Variants in SRGAP1 observed in about 807,000 individuals in gnomAD.
SRGAP1 encodes SLIT-ROBO Rho GTPase-activating protein 1.
SRGAP1 carries 43 observed loss-of-function variants against 121.9 expected under a neutral mutation model. The ratio of observed to expected loss-of-function variants is 0.35; its 90% CI spans 0.28 to 0.46. SRGAP1 has a LOEUF of 0.46. SRGAP1 is among the 20% of genes least tolerant of loss of function. The pLI is 1.00. For missense variants in SRGAP1, 1,102 were observed against 1,350.9 expected, an observed-to-expected ratio of 0.82 and a Z score of 2.89; for synonymous variants, 447 against 485.4, an observed-to-expected ratio of 0.92 and a Z score of 1.04.
intron 4 of SRGAP1, among the ~76,000 whole-genome samples, chr12:64,020,843 CAAAAAA>C (rs34144761): frequency 1.4e-5 from 1 of 70,068 alleles, no homozygotes; most frequent in East Asian, 4.4e-4. Context: ...GACTCCGTCT[CAAAAAA>C]AAAAAAAAAA....
intron 1 of SRGAP1, among the ~76,000 whole-genome samples, chr12:63,978,725 G>T (rs1205384802): frequency 6.6e-6 from 1 of 152,204 alleles, no homozygotes; most frequent in African/African-American, 2.4e-5. Context: ...ATACCTAGGA[G>T]CAGAATGGCT....
rs201478744 is a variant in SRGAP1, at chr12:63,886,789, A to AT, written c.67+41915dup. ...TCTGGCCAAAACACATTTAAAAGGG[A>AT]TTTTTTTTTGTTACTGAATTTAAAT... On this transcript the variant is annotated intron_variant, in intron 1 of 21. Transcript: ENST00000355086. Among the ~76,000 whole-genome samples, 1,434 of 150,886 alleles carry AT rather than the reference A, an allele frequency of 9.5e-3. 20 individuals carry two copies. The highest frequency in any genetic ancestry group is 0.033 in the African/African-American group (1,362 of 41,142).
At chr12:64,042,515 A>C (rs1196020223) in intron 4 of SRGAP1, among the ~76,000 whole-genome samples, 3 of 152,148 alleles carry the variant, frequency 2.0e-5, no homozygotes, top group Non-Finnish European at 4.4e-5. Flanking sequence ...AGAACTTTTC[A>C]AGTACATTGA....
intron 1 of SRGAP1, among the ~76,000 whole-genome samples, chr12:63,931,541 C>T (rs547652609): frequency 3.0e-4 from 45 of 152,242 alleles, no homozygotes; most frequent in Non-Finnish European, 5.4e-4. Context: ...TGTGTTAATG[C>T]AAGGAACAAG....
chr12:63,965,663 G>A (rs2032769731), intron 1 of SRGAP1, among the ~76,000 whole-genome samples: 2 of 151,910 alleles, frequency 1.3e-5, no homozygotes, highest in African/African-American at 4.8e-5. Context: ...CCTCATCTCT[G>A]CAAAAAATAA....
At chr12:63,882,523 A>T (rs1900227129) in intron 1 of SRGAP1, among the ~76,000 whole-genome samples, 2 of 152,292 alleles carry the variant, frequency 1.3e-5, no homozygotes, top group Admixed American at 1.3e-4. Context: ...ACCTCAGGTT[A>T]TCCACCCGCC....
chr12:64,085,445 A>G (rs2035919877), intron 10 of SRGAP1, among the ~76,000 whole-genome samples: 1 of 152,192 alleles, frequency 6.6e-6, no homozygotes, highest in Admixed American at 6.5e-5. Flanking sequence ...AACCCTTTGC[A>G]CATTCTACTG....
At chr12:64,038,477 A>G (rs2034945624) in intron 4 of SRGAP1, 2 of 152,232 alleles carry the variant, frequency 1.3e-5, no homozygotes, top group South Asian at 4.1e-4. Flanking sequence ...GCCAGTAGTC[A>G]AAAAGTAGAA....
At chr12:63,923,016 A>G (rs995781970) in intron 1 of SRGAP1, among the ~76,000 whole-genome samples, 3 of 152,216 alleles carry the variant, frequency 2.0e-5, no homozygotes, top group Admixed American at 1.3e-4. Context: ...GTTTGCAGCT[A>G]TCCTTCCTGG....
At chr12:64,123,128 A>T (rs1164584284) in intron 18 of SRGAP1, among the ~76,000 whole-genome samples, 1 of 152,228 alleles carries the variant, frequency 6.6e-6, no homozygotes, top group Non-Finnish European at 1.5e-5. Flanking sequence ...TAATTTTTGT[A>T]AGTAAAGCCA....
intron 1 of SRGAP1, among the ~76,000 whole-genome samples, chr12:63,963,630 G>C (rs1233464229): frequency 6.6e-6 from 1 of 152,088 alleles, no homozygotes; most frequent in African/African-American, 2.4e-5. Flanking sequence ...TAGAACACTA[G>C]AACTTATTCC....
chr12:64,149,072 A>C lies in SRGAP1; in HGVS notation c.*6400A>C, dbSNP rs973680147. 6.6e-6 allele frequency: 1 copy of C among 152,268 alleles called. No individual in the cohort carries two copies. The highest frequency in any genetic ancestry group is 1.5e-5 in the Non-Finnish European group (1 of 68,048). 9.4% of individuals were successfully genotyped at this position (152,268 alleles called of 1,614,324 possible). On this transcript the variant is annotated 3_prime_UTR_variant, in exon 22 of 22. Transcript: ENST00000355086. ...TTACTGCTATATAGAATTCCATTACATGAATATGCTCAATATTATATTTAT... is the reference window on the plus strand; with the variant it reads ...TTACTGCTATATAGAATTCCATTACCTGAATATGCTCAATATTATATTTAT...
chr12:63,972,089 C>T (rs2032965216), intron 1 of SRGAP1, among the ~76,000 whole-genome samples: 1 of 152,210 alleles, frequency 6.6e-6, no homozygotes, highest in African/African-American at 2.4e-5. Flanking sequence ...CATCATGGCT[C>T]ATGCCTGTAA....
chr12:63,902,701 A>G (rs2029994374), intron 1 of SRGAP1, among the ~76,000 whole-genome samples: 1 of 152,244 alleles, frequency 6.6e-6, no homozygotes. Flanking sequence ...ACAAAATGAC[A>G]GCTGCATGAA....
At chr12:64,056,871 C>A (rs1164033084) in intron 6 of SRGAP1, among the ~76,000 whole-genome samples, 1 of 152,180 alleles carries the variant, frequency 6.6e-6, no homozygotes, top group Non-Finnish European at 1.5e-5. Flanking sequence ...TGTTGCACTT[C>A]AGCTGCCCTA....
chr12:63,938,444 G>C (rs1228082286), intron 1 of SRGAP1, among the ~76,000 whole-genome samples: 1 of 152,090 alleles, frequency 6.6e-6, no homozygotes, highest in Non-Finnish European at 1.5e-5. Flanking sequence ...GTTTTTACTG[G>C]CTGGTTGCTT....
intron 4 of SRGAP1, among the ~76,000 whole-genome samples, chr12:64,041,483 C>A (rs1393376010): frequency 6.6e-6 from 1 of 151,888 alleles, no homozygotes; most frequent in African/African-American, 2.4e-5. Context: ...CTCCCGGGCT[C>A]AACCAATCCC....
At chr12:63,867,408 A>G (rs1899673566) in intron 1 of SRGAP1, among the ~76,000 whole-genome samples, 1 of 152,230 alleles carries the variant, frequency 6.6e-6, no homozygotes, top group Non-Finnish European at 1.5e-5. Flanking sequence ...CAAATGGAAT[A>G]GTGGTGGCAT....
chr12:64,047,440 G>A (rs144724417), intron 6 of SRGAP1, among the ~76,000 whole-genome samples: 31 of 152,228 alleles, frequency 2.0e-4, no homozygotes, highest in Admixed American at 1.6e-3. Context: ...TTTATTTAGC[G>A]AAGTACATCT....
Sources: gnomAD v4.1 joint callset for allele counts (sites outside exome capture counted in the v4.1 genomes callset) on GRCh38, gnomAD v4.1.1 for gene constraint, MANE v1.5 for transcripts, NCBI Gene and HGNC (gene_info 2026-07-23, HGNC 2026-07-21) for gene names.